Variants in ADAD2 observed in about 807,000 individuals in gnomAD.
ADAD2 encodes the protein adenosine deaminase domain-containing protein 2.
A neutral mutation model predicts 54.5 loss-of-function variants in ADAD2; 60 were observed. The ratio of observed to expected loss-of-function variants is 1.10; its 90% CI spans 0.89 to 1.36. The LOEUF is 1.36. ADAD2 is among the 40% of genes most tolerant of loss of function. ADAD2 has a pLI of 0.00. For missense variants in ADAD2, 1,103 were observed against 801.3 expected, an observed-to-expected ratio of 1.38 and a Z score of -4.54; for synonymous variants, 543 against 366.2, an observed-to-expected ratio of 1.48 and a Z score of -5.51.
Position 84,195,899 on chromosome 16 carries a change from G to A in ADAD2, c.1137G>A (p.Val379=). The A allele has an allele frequency of 6.2e-7, 1 of 1,602,238 alleles. No individual in the cohort carries two copies. Among genetic ancestry groups the A allele is most frequent in the East Asian group, 2.2e-5 (1 of 44,816 alleles). ...ATGTGCTCGGGCAGCTGAAGCCTGT[G>A]TGCTACGTGGCGCCCTCGCTCTGTG... The part of the protein sequence containing the change: ...QAHVLGQLKP[V]CYVAPSLCDT... The change falls in exon 7 of 10, where the codon GTG becomes GTA. Residue 379 remains valine, a synonymous_variant. Transcript: ENST00000315906.
chr16:84,191,684 C>T (rs1249216501), intron 1 of ADAD2, 36 bp downstream of exon 1: 2 of 1,547,394 alleles, frequency 1.3e-6, no homozygotes, highest in African/African-American at 1.4e-5. Flanking sequence ...TGCCAGAGGG[C>T]AGAGCCACGG....
chr16:84,191,209 C>G lies in ADAD2; in HGVS notation c.-22C>G. ...GAGCAGCGCGAGATAGGGCCTAGCG[C>G]CTCAGATCTTCGTTGGCGGCCATGG... On this transcript the variant is annotated 5_prime_UTR_variant, in exon 1 of 10. Transcript: ENST00000315906. The G allele has an allele frequency of 6.2e-7, 1 of 1,604,212 alleles. No individual in the cohort carries two copies. The highest frequency in any genetic ancestry group is 8.5e-7 in the Non-Finnish European group (1 of 1,174,686).
At chr16:84,193,407 A>G (rs2089682577) in intron 1 of ADAD2, 1 of 152,244 alleles carries the variant, frequency 6.6e-6, no homozygotes, top group African/African-American at 2.4e-5. Context: ...AGTTTTGCGA[A>G]TGTCCTTCAG....
chr16:84,196,530 G>A, intron 8 of ADAD2, 117 bp from the exon 9 acceptor site: 1 of 1,552,786 alleles, frequency 6.4e-7, no homozygotes. Context: ...ACCTCTGTCT[G>A]CCCTGTGAGT....
At position 84,195,168 on chromosome 16, in the gene ADAD2, C is replaced by A; in HGVS notation, c.707C>A (p.Thr236Asn). ...TCGCCATACTGGGCCTGTAAGGGGA[C>A]TGTGGCTGGAGTCATCCTGGAGAGG... ...ERSPYWACKG[T>N]VAGVILEREI... is the part of the protein sequence containing the mutation. The change falls in exon 4 of 10, where the codon ACT becomes AAT. Residue 236 changes from threonine to asparagine, a missense_variant. Physicochemically the swap from Thr to Asn is moderately conservative, Grantham distance 65. Coordinates refer to ENST00000315906, the MANE Select transcript of ADAD2 (RefSeq NM_001145400.2). The A allele has an allele frequency of 1.2e-6, 2 of 1,613,388 alleles. No individual in the cohort carries two copies. The highest frequency in any genetic ancestry group is 2.7e-5 in the African/African-American group (2 of 75,070).
rs200468657 is a variant in ADAD2 at position 84,195,626 on chromosome 16, C to G, written c.981C>G (p.Phe327Leu). The change falls in exon 6 of 10, where the codon TTC (phenylalanine) becomes TTG (leucine). Residue 327 changes from phenylalanine (F) to leucine (L), a missense_variant. Transcript: ENST00000315906. ...CCCAGCCAGGGCCCGGACCCCCATT[C>G]ACCCTCAAGCCCCGCGTCTTCCTGC... The part of the protein sequence containing the change: ...LAPQPGPGPP[F>L]TLKPRVFLHL... The G allele has an allele frequency of 4.7e-5, 75 of 1,604,256 alleles. No homozygotes were observed. The East Asian group carries it at 1.5e-3, about 32-fold the overall frequency.
Position 84,196,986 on chromosome 16 carries a change from G to C in ADAD2, c.*12G>C, listed in dbSNP as rs780179400. 3.2e-6 allele frequency: 5 copies of C among 1,579,508 alleles called. No individual in the cohort carries two copies. The highest frequency in any genetic ancestry group is 4.3e-6 in the Non-Finnish European group (5 of 1,163,756). On this transcript the variant is annotated 3_prime_UTR_variant, in exon 10 of 10. Transcript: ENST00000315906. ...AATTCAGAAACTGAAGCCAGCCTCG[G>C]CGGGACCGAGGTCCCGGAGCCAAGC...
chr16:84,195,562 AG>A lies in ADAD2; in HGVS notation c.923del (p.Gly308AlafsTer69). On this transcript the variant is annotated frameshift_variant, in exon 6 of 10. Coordinates refer to ENST00000315906, the MANE Select transcript of ADAD2 (RefSeq NM_001145400.2). LOFTEE classifies it high-confidence loss of function. ...FLFRQLLLATQGGPKGKEQSV... is the reference protein window; with the variant it reads ...FLFRQLLLATXGGPKGKEQSV... ...TTCCGGCAGCTCCTGCTGGCCACAC[AG>A]GGGGGCCCCAAGGGCAAGGAGCAGT... is the stretch of plus-strand genomic sequence containing the variant. 3.8e-6 allele frequency: 6 copies of A among 1,599,420 alleles called. No individual in the cohort carries two copies. The highest frequency in any genetic ancestry group is 1.1e-5 in the South Asian group (1 of 89,160).
At position 84,195,912 on chromosome 16, in the gene ADAD2, C is replaced by G. The variant is rs1198957031; in HGVS notation, c.1150C>G (p.Pro384Ala). 1 of 1,600,754 alleles carries G rather than the reference C, an allele frequency of 6.2e-7. No individual in the cohort carries two copies. Among genetic ancestry groups the G allele is most frequent in the South Asian group, 1.1e-5 (1 of 91,038 alleles). ...GQLKPVCYVA[P>A]SLCDTHVGCL... ...GCTGAAGCCTGTGTGCTACGTGGCG[C>G]CCTCGCTCTGTGACACCCACGTGGG... The change falls in exon 7 of 10, where the codon CCC becomes GCC. Residue 384 changes from proline to alanine, a missense_variant. Pro to Ala is a conservative substitution (Grantham distance 27, BLOSUM62 -1). Coordinates refer to ENST00000315906, the MANE Select transcript of ADAD2 (RefSeq NM_001145400.2).
In ADAD2 at chr16:84,191,316, C is replaced by G. The variant is rs759599115; in HGVS notation, c.86C>G (p.Pro29Arg). 21 of 1,588,628 alleles carry G rather than the reference C, an allele frequency of 1.3e-5. No homozygotes were observed. Among genetic ancestry groups the G allele is most frequent in the Admixed American group, 3.5e-5 (2 of 57,466 alleles). ...LAASLQISPQ[P>R]RPWRPLPAQA... ...GCATCGTTGCAGATCAGCCCCCAGC[C>G]CCGCCCCTGGCGACCGCTACCCGCC... The change falls in exon 1 of 10, where the codon CCC (proline) becomes CGC (arginine). Residue 29 changes from proline (P) to arginine (R), a missense_variant. Pro to Arg is a moderately radical substitution (Grantham distance 103, BLOSUM62 -2). Coordinates refer to ENST00000315906, the MANE Select transcript of ADAD2 (RefSeq NM_001145400.2).
intron 1 of ADAD2, chr16:84,194,177 T>C (rs746495335): frequency 5.0e-6 from 8 of 1,596,422 alleles, no homozygotes; most frequent in Non-Finnish European, 6.8e-6. Context: ...CCGTTTCTGC[T>C]CATCTGTGAA....
chr16:84,194,405 G>T (rs2089697946), intron 1 of ADAD2, 37 bp from the exon 2 acceptor site: 1 of 1,592,650 alleles, frequency 6.3e-7, no homozygotes, highest in Non-Finnish European at 8.5e-7. Context: ...CAGGGCGAAG[G>T]CCAGGGGGCT....
At chr16:84,194,113 C>G (rs1430747571) in intron 1 of ADAD2, 1 of 1,614,062 alleles carries the variant, frequency 6.2e-7, no homozygotes, top group Non-Finnish European at 8.5e-7. Flanking sequence ...GTGGCGTGGG[C>G]TCTGGAGAGG....
Position 84,194,970 on chromosome 16 carries a change from CCT to C in ADAD2, c.598_599del (p.Leu200GlufsTer9). On this transcript the variant is annotated frameshift_variant, in exon 3 of 10. Coordinates refer to ENST00000315906, the MANE Select transcript of ADAD2 (RefSeq NM_001145400.2). LOFTEE classifies it high-confidence loss of function. ...CCTCCAGCCGGCCTCCACTGGCCCC[CCT>C]GAGCGTAGGTAGGTGAGCATTCCCG... is the stretch of plus-strand genomic sequence containing the variant. ...QTSSRPPLAP[L>X]SVENILTHEQ... 6.2e-7 allele frequency: 1 copy of C among 1,611,760 alleles called. No homozygotes were observed. Among genetic ancestry groups the C allele is most frequent in the Non-Finnish European group, 8.5e-7 (1 of 1,179,350 alleles).
chr16:84,195,224 C>CAGG, intron 4 of ADAD2, 30 bp downstream of exon 4: 1 of 1,610,428 alleles, frequency 6.2e-7, no homozygotes, highest in Non-Finnish European at 8.5e-7. Context: ...TGGCCCTGGC[C>CAGG]CCGGCCCCCT....
rs562192187 is a variant in ADAD2, at chr16:84,194,322, G to T, written c.419-120G>T. 1.9e-6 allele frequency: 3 copies of T among 1,543,490 alleles called. No homozygotes were observed. The Admixed American group carries it at 5.9e-5, about 30-fold the overall frequency. ...ATGGAGCCTGCTGGAGGAAGGGAAGGGTGGTGAGGGTCTCATTATTCTGAC... is the reference window on the plus strand; with the variant it reads ...ATGGAGCCTGCTGGAGGAAGGGAAGTGTGGTGAGGGTCTCATTATTCTGAC... On this transcript the variant is annotated intron_variant, in intron 1 of 9. Coordinates refer to ENST00000315906, the MANE Select transcript of ADAD2 (RefSeq NM_001145400.2).
rs2151325401 is a variant in ADAD2, at chr16:84,191,405, C to G, written c.175C>G (p.Pro59Ala). ...PATYRAEGGW[P>A]QVSVLRDSGP... ...GACGTATCGCGCGGAGGGCGGGTGG[C>G]CCCAGGTCTCGGTGTTGAGGGACAG... The change falls in exon 1 of 10, where the codon CCC (proline) becomes GCC (alanine). Residue 59 changes from proline to alanine, a missense_variant. Coordinates refer to ENST00000315906, the MANE Select transcript of ADAD2 (RefSeq NM_001145400.2). 1 of 1,494,298 alleles carries G rather than the reference C, an allele frequency of 6.7e-7. No individual in the cohort carries two copies. The highest frequency in any genetic ancestry group is 1.4e-5 in the African/African-American group (1 of 71,042). 92.6% of individuals were successfully genotyped at this position (1,494,298 alleles called of 1,614,324 possible). A position where few individuals can be genotyped will look rare whatever the true frequency, so the allele number is the denominator to read the frequency against.
chr16:84,193,902 T>A, intron 1 of ADAD2: 1 of 1,218,260 alleles, frequency 8.2e-7, no homozygotes, highest in Non-Finnish European at 1.1e-6. Context: ...TAGCAGCAAG[T>A]ACTGTGAAAT....
chr16:84,194,128 C>T, intron 1 of ADAD2: 1 of 1,613,804 alleles, frequency 6.2e-7, no homozygotes, highest in Non-Finnish European at 8.5e-7. Context: ...GAGAGGGGAC[C>T]TGGATTTGGG....
Sources: allele counts gnomAD v4.1 joint callset, GRCh38; gene constraint gnomAD v4.1.1; transcripts MANE v1.5; gene names NCBI Gene and HGNC (gene_info 2026-07-23, HGNC 2026-07-21).